The following SEMA3E variants were observed in gnomAD, a reference collection of about 807,000 sequenced individuals.
SEMA3E encodes the protein semaphorin-3E.
Under a neutral mutation model 93.6 loss-of-function variants are expected in SEMA3E, and 49 were observed. That is an observed-to-expected ratio of 0.52 (90% CI 0.42 to 0.66). SEMA3E has a LOEUF of 0.66. Ranked by LOEUF, SEMA3E falls within the 30% of genes least tolerant of loss-of-function variation. The probability of loss-of-function intolerance (pLI) is 0.00; values close to 1 mark genes in which losing one functional copy is unlikely to be tolerated. For missense variants in SEMA3E, 906 were observed against 964.8 expected (o/e 0.94, Z 0.81); for synonymous variants, 363 against 330.7 (o/e 1.10, Z -1.06).
chr7:83,509,415 T>C (rs1292486584), intron 1 of SEMA3E, among the ~76,000 whole-genome samples: 1 of 152,186 alleles, frequency 6.6e-6, no homozygotes, highest in African/African-American at 2.4e-5. Context: ...AATTACACTG[T>C]TCACTTCTGT....
chr7:83,386,903 G>C lies in SEMA3E; in HGVS notation c.1735+80C>G, dbSNP rs879194427. On this transcript the variant is annotated intron_variant, in intron 15 of 16. Coordinates refer to ENST00000643230, the MANE Select transcript of SEMA3E (RefSeq NM_012431.3). ...TATACATGAATCACAAAGAAAAAAA[G>C]GACTCTTTTTAAGAAGTTTGTAGTT... 4 of 1,202,694 alleles carry C rather than the reference G, an allele frequency of 3.3e-6. No homozygotes were observed. The Admixed American group carries it at 5.6e-5, about 17-fold the overall frequency. The allele number at this position is 1,202,694 out of a possible 1,614,324, so 74.5% of individuals were successfully genotyped here.
chr7:83,478,658 C>T (rs551035745), intron 2 of SEMA3E, among the ~76,000 whole-genome samples: 3 of 152,300 alleles, frequency 2.0e-5, no homozygotes, highest in African/African-American at 7.2e-5. Context: ...GGTGGTTCTT[C>T]TCTACTACTG....
chr7:83,388,053 G>A (rs1394476036), intron 14 of SEMA3E, among the ~76,000 whole-genome samples: 1 of 148,302 alleles, frequency 6.7e-6, no homozygotes, highest in African/African-American at 2.5e-5. Flanking sequence ...GCTCACGCCT[G>A]TAATCCTAGC....
chr7:83,462,611 T>C (rs1472491090), intron 4 of SEMA3E, among the ~76,000 whole-genome samples: 2 of 151,854 alleles, frequency 1.3e-5, no homozygotes, highest in African/African-American at 2.4e-5. Flanking sequence ...CCTTACCATC[T>C]CATTAAAACC....
At chr7:83,453,348 T>A (rs1441982034) in intron 4 of SEMA3E, among the ~76,000 whole-genome samples, 3 of 151,738 alleles carry the variant, frequency 2.0e-5, no homozygotes, top group African/African-American at 7.3e-5. Context: ...TATGTTAGTG[T>A]AAATAATTAT....
In SEMA3E at chr7:83,418,605, T is replaced by C. The variant is rs1325381915; in HGVS notation, c.457-122A>G. ...GCATGTATTCTAAATAGAGCACCAG[T>C]AGCATCAATTTATTTAGAGACAAAC... On this transcript the variant is annotated intron_variant, in intron 4 of 16. Transcript: ENST00000643230. 1.6e-5 allele frequency: 12 copies of C among 744,062 alleles called. No individual in the cohort carries two copies. The Admixed American group carries it at 2.5e-4, about 15-fold the overall frequency. 46.1% of individuals were successfully genotyped at this position (744,062 alleles called of 1,614,324 possible).
intron 1 of SEMA3E, among the ~76,000 whole-genome samples, chr7:83,493,242 T>G (rs1281786730): frequency 6.6e-6 from 1 of 151,736 alleles, no homozygotes; most frequent in Non-Finnish European, 1.5e-5. Context: ...AGGGAGGGAG[T>G]GGTGAATAGC....
intron 2 of SEMA3E, among the ~76,000 whole-genome samples, chr7:83,487,684 T>TGTGTGTGTGA (rs1196510952): frequency 7.1e-4 from 37 of 52,360 alleles, no homozygotes; most frequent in African/African-American, 2.9e-3. Context: ...CAGGAGGTCG[T>TGTGTGTGTGA]GTGTGTGTGT....
Position 83,600,369 on chromosome 7 carries a change from G to A in SEMA3E, c.115+48059C>T, listed in dbSNP as rs563355384. Reference sequence around the variant, plus strand: ...GAGTCTCGCTCTGTCACCCAGACTGGAGTGCAATGGTGCTATCTCGGCTCA... The same window carrying A: ...GAGTCTCGCTCTGTCACCCAGACTGAAGTGCAATGGTGCTATCTCGGCTCA... On this transcript the variant is annotated intron_variant, in intron 1 of 16. Transcript: ENST00000643230. Among the ~76,000 whole-genome samples the A allele has an allele frequency of 1.6e-3, 236 of 151,520 alleles. 2 individuals are homozygous for A. The highest frequency in any genetic ancestry group is 3.4e-3 in the Middle Eastern group (1 of 294).
At chr7:83,372,489 T>C (rs1211972509) in intron 16 of SEMA3E, among the ~76,000 whole-genome samples, 1 of 152,100 alleles carries the variant, frequency 6.6e-6, no homozygotes, top group Non-Finnish European at 1.5e-5. Context: ...TCTTGACCAC[T>C]AGAATTAGGG....
rs73380778 is a variant in SEMA3E, at chr7:83,603,057, G to T, written c.115+45371C>A. Reference sequence around the variant, plus strand: ...ATGTGTAATTTTTATTGCTTTATGCGTAGGTCCAAGAAAAAGAAGCTATAT... The same window carrying T: ...ATGTGTAATTTTTATTGCTTTATGCTTAGGTCCAAGAAAAAGAAGCTATAT... On this transcript the variant is annotated intron_variant, in intron 1 of 16. Transcript: ENST00000643230. Among the ~76,000 whole-genome samples the T allele has an allele frequency of 2.3e-4, 35 of 152,132 alleles. No individual in the cohort carries two copies. In the South Asian group the frequency reaches 6.6e-3, roughly 29 times the overall value.
At chr7:83,403,033 G>A (rs1305672230) in intron 9 of SEMA3E, among the ~76,000 whole-genome samples, 2 of 151,882 alleles carry the variant, frequency 1.3e-5, no homozygotes, top group Non-Finnish European at 2.9e-5. Context: ...TGTTACTTCA[G>A]TTATTTTTAA....
In SEMA3E at chr7:83,469,216, G is replaced by T. The variant is rs367747219; in HGVS notation, c.336+27C>A. 2.6e-6 allele frequency: 4 copies of T among 1,553,614 alleles called. No individual in the cohort carries two copies. The South Asian group carries it at 4.5e-5, about 17-fold the overall frequency. ...TAACTAGGGATATAATTGATGATTT[G>T]TTTAATTTACAATGAATCATACTTA... On this transcript the variant is annotated intron_variant, in intron 3 of 16. Transcript: ENST00000643230.
intron 9 of SEMA3E, among the ~76,000 whole-genome samples, chr7:83,404,043 A>G (rs569013194): frequency 2.8e-4 from 42 of 152,092 alleles, no homozygotes; most frequent in African/African-American, 8.2e-4. Flanking sequence ...TAGAAAAACT[A>G]AACCGATTAT....
At chr7:83,446,251 AAG>A (rs1255487071) in intron 4 of SEMA3E, among the ~76,000 whole-genome samples, 1 of 152,228 alleles carries the variant, frequency 6.6e-6, no homozygotes, top group Non-Finnish European at 1.5e-5. Flanking sequence ...GGACAATGCC[AAG>A]AGTTAATTAA....
At chr7:83,640,996 G>T (rs1040564220) in intron 1 of SEMA3E, among the ~76,000 whole-genome samples, 1 of 152,114 alleles carries the variant, frequency 6.6e-6, no homozygotes, top group Non-Finnish European at 1.5e-5. Flanking sequence ...TAGAGAAAAA[G>T]GTGGAGGAGA....
chr7:83,543,965 T>C (rs3823902), intron 1 of SEMA3E, among the ~76,000 whole-genome samples: 34,507 of 151,954 alleles, frequency 0.23, 4,078 homozygotes, highest in East Asian at 0.39. Flanking sequence ...ATTATATTTT[T>C]GATGTAACCT....
intron 3 of SEMA3E, among the ~76,000 whole-genome samples, chr7:83,467,527 G>T (rs1198196905): frequency 6.6e-6 from 1 of 152,154 alleles, no homozygotes; most frequent in Non-Finnish European, 1.5e-5. Flanking sequence ...GTAGACTGGG[G>T]ATCAGCAAAC....
intron 5 of SEMA3E, among the ~76,000 whole-genome samples, chr7:83,411,318 A>G (rs1788435389): frequency 6.6e-6 from 1 of 152,104 alleles, no homozygotes; most frequent in Non-Finnish European, 1.5e-5. Flanking sequence ...AATTCCCATA[A>G]CACAATATGA....
Sources: gnomAD v4.1 joint callset for allele counts (sites outside exome capture counted in the v4.1 genomes callset) on GRCh38, gnomAD v4.1.1 for gene constraint, MANE v1.5 for transcripts, NCBI Gene and HGNC (gene_info 2026-07-23, HGNC 2026-07-21) for gene names.